Variants in SLC7A8 observed in about 807,000 individuals in gnomAD.
SLC7A8 encodes solute carrier family 7 member 8.
SLC7A8 carries 30 observed loss-of-function variants against 51.2 expected under a neutral mutation model. The observed-to-expected ratio is 0.59, with a 90% CI of 0.44 to 0.80. The LOEUF is 0.80. Among genes scored for constraint, SLC7A8 ranks in the 30% least tolerant of loss-of-function variants. The pLI is 0.00. For missense variants in SLC7A8, 612 were observed against 674.4 expected, an observed-to-expected ratio of 0.91 and a Z score of 1.03; for synonymous variants, 257 against 275.8, an observed-to-expected ratio of 0.93 and a Z score of 0.67.
intron 3 of SLC7A8, among the ~76,000 whole-genome samples, chr14:23,147,700 T>C (rs2048810359): frequency 6.6e-6 from 1 of 152,140 alleles, no homozygotes; most frequent in East Asian, 1.9e-4. Context: ...AAAAATAAGA[T>C]GAAAGACTAT....
At chr14:23,137,337 C>G (rs981301747) in intron 7 of SLC7A8, among the ~76,000 whole-genome samples, 2 of 152,184 alleles carry the variant, frequency 1.3e-5, no homozygotes, top group Non-Finnish European at 2.9e-5. Flanking sequence ...TTCACATTCT[C>G]CACCTGAGTC....
In SLC7A8 at chr14:23,143,171, C is replaced by G. The variant is rs76324167; in HGVS notation, c.542G>C (p.Arg181Pro). Residue 181 changes from arginine (R) to proline (P), a missense_variant, in exon 4 of 11, where the codon CGG (arginine) becomes CCG (proline). By Grantham distance (103) the Arg-to-Pro change is moderately radical (BLOSUM62 -2). Coordinates refer to ENST00000316902, the MANE Select transcript of SLC7A8 (RefSeq NM_012244.4). ...LLTWVNCSSV[R>P]WATRVQDIFT... The stretch of plus-strand genomic sequence containing the variant: ...GATGTCTTGAACCCGGGTGGCCCAC[C>G]GCACACTGGAACAGTTGACCCATGT... The G allele has an allele frequency of 1.2e-6, 2 of 1,614,198 alleles. No homozygotes were observed. The highest frequency in any genetic ancestry group is 1.7e-6 in the Non-Finnish European group (2 of 1,180,044).
chr14:23,160,549 T>C (rs1370395668), intron 3 of SLC7A8, among the ~76,000 whole-genome samples: 1 of 132,116 alleles, frequency 7.6e-6, no homozygotes, highest in Non-Finnish European at 1.6e-5. Flanking sequence ...CCAGCCTGGG[T>C]GACGGAGGGA....
chr14:23,129,267 A>C (rs1388340819), intron 9 of SLC7A8: 3 of 173,986 alleles, frequency 1.7e-5, no homozygotes, highest in Non-Finnish European at 3.7e-5. Flanking sequence ...AGATGGGAGG[A>C]GGAAGTCATT....
At chr14:23,169,626 C>T (rs1409409310) in intron 1 of SLC7A8, among the ~76,000 whole-genome samples, 4 of 152,016 alleles carry the variant, frequency 2.6e-5, no homozygotes, top group East Asian at 1.9e-4. Flanking sequence ...AGGCTGGTCT[C>T]GATCTCCTGA....
At position 23,147,378 on chromosome 14, in the gene SLC7A8, T is replaced by A. The variant is rs565947908; in HGVS notation, c.509-4174A>T. On this transcript the variant is annotated intron_variant, in intron 3 of 10. Coordinates refer to ENST00000316902, the MANE Select transcript of SLC7A8 (RefSeq NM_012244.4). ...AGTATAACAGGGACGACGGGTGAAG[T>A]AAGAGATGCCCACAAAACAACGAGG... 2.6e-5 allele frequency among the ~76,000 whole-genome samples: 4 copies of A among 152,248 alleles called. No individual in the cohort carries two copies. In the East Asian group the frequency reaches 5.8e-4, roughly 22 times the overall value.
At chr14:23,171,888 C>T (rs1306957249) in intron 1 of SLC7A8, among the ~76,000 whole-genome samples, 1 of 152,214 alleles carries the variant, frequency 6.6e-6, no homozygotes, top group Non-Finnish European at 1.5e-5. Flanking sequence ...AAGACTCTGA[C>T]ACATGCCCTG....
intron 1 of SLC7A8, among the ~76,000 whole-genome samples, chr14:23,174,425 C>T (rs917530434): frequency 2.6e-5 from 4 of 152,220 alleles, no homozygotes; most frequent in Admixed American, 6.5e-5. Flanking sequence ...ACCTTCTCCC[C>T]AGAAGTGATG....
chr14:23,179,940 C>G (rs1227217564), intron 1 of SLC7A8, among the ~76,000 whole-genome samples: 1 of 144,368 alleles, frequency 6.9e-6, no homozygotes, highest in Non-Finnish European at 1.5e-5. Context: ...GAGTCTCACT[C>G]TGTCACCCAG....
At chr14:23,155,384 C>CT (rs1566368127) in intron 3 of SLC7A8, 1 of 1,491,234 alleles carries the variant, frequency 6.7e-7, no homozygotes, top group African/African-American at 1.4e-5. Context: ...CTTCCTGGCT[C>CT]TCTCTTCCCC....
Position 23,166,443 on chromosome 14 carries a change from G to T in SLC7A8, c.249C>A (p.Gly83=). The T allele has an allele frequency of 1.2e-6, 2 of 1,614,160 alleles. No individual in the cohort carries two copies. Among genetic ancestry groups the T allele is most frequent in the African/African-American group, 2.7e-5 (2 of 75,034 alleles). ...AGAGGGCTCCCACAACTGTGATGAA[G>T]CCCGTCACAATCCAGACGATGAGAG... is the stretch of plus-strand genomic sequence containing the variant. ...GLALIVWIVT[G]FITVVGALCY... The change falls in exon 2 of 11, where the codon GGC becomes GGA. Residue 83 remains glycine, a synonymous_variant. Transcript: ENST00000316902.
At chr14:23,140,435 C>A in intron 5 of SLC7A8, 36 bp downstream of exon 5, 1 of 1,574,154 alleles carries the variant, frequency 6.4e-7, no homozygotes, top group South Asian at 1.1e-5. Flanking sequence ...TGTGGCCCTT[C>A]AAGGGAGAGG....
chr14:23,180,335 C>T (rs1382168189), intron 1 of SLC7A8, among the ~76,000 whole-genome samples: 1 of 152,122 alleles, frequency 6.6e-6, no homozygotes, highest in Non-Finnish European at 1.5e-5. Context: ...CACGATCATC[C>T]ACTGAGAAAC....
In SLC7A8 at chr14:23,127,139, G is replaced by A. The variant is rs1431284007; in HGVS notation, c.*38C>T. 1.2e-6 allele frequency: 2 copies of A among 1,611,266 alleles called. No homozygotes were observed. Among genetic ancestry groups the A allele is most frequent in the East Asian group, 2.2e-5 (1 of 44,784 alleles). On this transcript the variant is annotated 3_prime_UTR_variant, in exon 11 of 11. Transcript: ENST00000316902. ...ACCAAGGCAGGGAGGTAGGATAAAAGGGGGAGGAAGGAGAGAGTAGCCAGG... is the reference window on the plus strand; with the variant it reads ...ACCAAGGCAGGGAGGTAGGATAAAAAGGGGAGGAAGGAGAGAGTAGCCAGG...
At chr14:23,139,307 C>T in intron 6 of SLC7A8, 117 bp downstream of exon 6, 1 of 1,517,116 alleles carries the variant, frequency 6.6e-7, no homozygotes, top group South Asian at 1.1e-5. Context: ...GCCCTGAGAA[C>T]TTGGGGGTGA....
Position 23,154,455 on chromosome 14 carries a change from G to A in SLC7A8, c.508+10830C>T, listed in dbSNP as rs2048874401. The stretch of plus-strand genomic sequence containing the variant: ...TGGGGGCGTGGGTGTGGCTACGCTC[G>A]GCTCTGTGATTGGCTGCACCGAGTT... On this transcript the variant is annotated intron_variant, in intron 3 of 10. Coordinates refer to ENST00000316902, the MANE Select transcript of SLC7A8 (RefSeq NM_012244.4). 5 of 987,052 alleles carry A rather than the reference G, an allele frequency of 5.1e-6. No individual in the cohort carries two copies. The South Asian group carries it at 1.9e-4, about 37-fold the overall frequency. 61.1% of individuals were successfully genotyped at this position (987,052 alleles called of 1,614,324 possible).
At chr14:23,136,769 C>T (rs1283191457) in intron 7 of SLC7A8, among the ~76,000 whole-genome samples, 1 of 152,206 alleles carries the variant, frequency 6.6e-6, no homozygotes, top group African/African-American at 2.4e-5. Context: ...GTGACTGTAG[C>T]CAGTCACTCT....
Position 23,127,975 on chromosome 14 carries a change from A to G in SLC7A8, c.1441+44T>C, listed in dbSNP as rs2048594216. 3 of 1,576,688 alleles carry G rather than the reference A, an allele frequency of 1.9e-6. No individual in the cohort carries two copies. In the African/African-American group the frequency reaches 4.0e-5, roughly 21 times the overall value. ...ACCCCATCACTGACCACTGCATTCC[A>G]GCCCAGGAGGCCCTGAAGCCAGCCA... On this transcript the variant is annotated intron_variant, in intron 10 of 10. Coordinates refer to ENST00000316902, the MANE Select transcript of SLC7A8 (RefSeq NM_012244.4).
chr14:23,165,339 G>A lies in SLC7A8; in HGVS notation c.454C>T (p.Pro152Ser). The A allele has an allele frequency of 1.9e-6, 3 of 1,606,194 alleles. 1 individual carries two copies. In the Middle Eastern group the frequency reaches 5.0e-4, roughly 266 times the overall value. The change falls in exon 3 of 11, where the codon CCC (proline) becomes TCC (serine). Residue 152 changes from proline (P) to serine (S), a missense_variant. Pro to Ser is a moderately conservative substitution (Grantham distance 74). Coordinates refer to ENST00000316902, the MANE Select transcript of SLC7A8 (RefSeq NM_012244.4). The surrounding 1 kb of genome is among the most constrained non-coding windows in gnomAD (Gnocchi z 4.2). ...CCAGACTCTGGGGGGAAGCAGGTGG[G>A]GAAGAGCGGCTGCAGCACGTAGTTG... ...FSNYVLQPLF[P>S]TCFPPESGLR...
Sources: gnomAD v4.1 joint callset for allele counts (sites outside exome capture counted in the v4.1 genomes callset) on GRCh38, gnomAD v4.1.1 for gene constraint, Gnocchi (gnomAD v3.1) non-coding constraint, MANE v1.5 for transcripts, NCBI Gene and HGNC (gene_info 2026-07-23, HGNC 2026-07-21) for gene names.